The following FAM107B variants were observed in gnomAD, a reference collection of about 807,000 sequenced individuals.
FAM107B encodes the protein protein FAM107B.
Under a neutral mutation model 31.5 loss-of-function variants are expected in FAM107B, and 21 were observed. The observed-to-expected ratio is 0.67, with a 90% CI of 0.47 to 0.96. The LOEUF is 0.96. Among genes scored for constraint, FAM107B ranks in the 40% least tolerant of loss-of-function variants. The pLI is 0.00. For missense variants in FAM107B, 452 were observed against 377.1 expected, an observed-to-expected ratio of 1.20 and a Z score of -1.64; for synonymous variants, 157 against 141.5, an observed-to-expected ratio of 1.11 and a Z score of -0.78.
chr10:14,625,850 A>C (rs1337974972), intron 2 of FAM107B, among the ~76,000 whole-genome samples: 1 of 104,592 alleles, frequency 9.6e-6, no homozygotes, highest in Non-Finnish European at 1.8e-5. Context: ...TCCGACCTCC[A>C]TGCAGCTGCT....
At chr10:14,739,149 A>G (rs1856377876) in intron 1 of FAM107B, among the ~76,000 whole-genome samples, 1 of 152,224 alleles carries the variant, frequency 6.6e-6, no homozygotes, top group African/African-American at 2.4e-5. Context: ...TAGGTCCAGA[A>G]GTAGAACAAC....
intron 1 of FAM107B, among the ~76,000 whole-genome samples, chr10:14,722,007 T>C (rs2131550289): frequency 6.6e-6 from 1 of 152,386 alleles, no homozygotes; most frequent in East Asian, 1.9e-4. Context: ...TAATCCATCT[T>C]GAATTAATTA....
chr10:14,545,460 T>C (rs1161826179), intron 2 of FAM107B, among the ~76,000 whole-genome samples: 1 of 152,130 alleles, frequency 6.6e-6, no homozygotes, highest in Admixed American at 6.6e-5. Flanking sequence ...CTTTGAAGGC[T>C]AAAAAAAGAT....
chr10:14,614,959 C>T (rs551407794), intron 2 of FAM107B, among the ~76,000 whole-genome samples: 9 of 152,236 alleles, frequency 5.9e-5, no homozygotes, highest in Admixed American at 2.0e-4. Flanking sequence ...GTATAGGCAG[C>T]TTTGTCAAGG....
chr10:14,631,227 C>T (rs1337616953), intron 2 of FAM107B, among the ~76,000 whole-genome samples: 1 of 152,164 alleles, frequency 6.6e-6, no homozygotes, highest in Admixed American at 6.5e-5. Flanking sequence ...CCTATCATCC[C>T]TTCAACAGAA....
At chr10:14,634,985 A>C (rs1853459600) in intron 2 of FAM107B, among the ~76,000 whole-genome samples, 1 of 152,112 alleles carries the variant, frequency 6.6e-6, no homozygotes, top group African/African-American at 2.4e-5. Flanking sequence ...GCTACTCGGC[A>C]GGCTGAGGTG....
intron 2 of FAM107B, among the ~76,000 whole-genome samples, chr10:14,620,060 G>GC (rs1170453861): frequency 5.3e-4 from 67 of 126,502 alleles, no homozygotes; most frequent in Non-Finnish European, 8.6e-4. Context: ...TCGCTCTGTC[G>GC]CCAGGCTGGA....
At chr10:14,640,365 G>A (rs1853598698) in intron 2 of FAM107B, among the ~76,000 whole-genome samples, 1 of 152,214 alleles carries the variant, frequency 6.6e-6, no homozygotes, top group Admixed American at 6.5e-5. Context: ...CTCCAGAATG[G>A]TAGAAGGTGA....
chr10:14,759,596 A>G (rs1833001662), intron 1 of FAM107B, among the ~76,000 whole-genome samples: 1 of 152,228 alleles, frequency 6.6e-6, no homozygotes. Context: ...TATTAAGATT[A>G]GCACCTAGAA....
chr10:14,658,094 A>C (rs1854117537), intron 2 of FAM107B, among the ~76,000 whole-genome samples: 1 of 152,146 alleles, frequency 6.6e-6, no homozygotes, highest in Non-Finnish European at 1.5e-5. Flanking sequence ...TTACAGGCGT[A>C]ATTAGCACCT....
intron 2 of FAM107B, among the ~76,000 whole-genome samples, chr10:14,569,171 G>A (rs1433275256): frequency 1.3e-5 from 2 of 152,076 alleles, no homozygotes; most frequent in Non-Finnish European, 2.9e-5. Flanking sequence ...GCCCACCCTC[G>A]AGTCTCCTTA....
rs1856019434 is a variant in FAM107B at position 14,725,820 on chromosome 10, C to CTTT, written c.411+48432_411+48433insAAA. 4.4e-5 allele frequency among the ~76,000 whole-genome samples: 4 copies of CTTT among 89,974 alleles called. No homozygotes were observed. In the South Asian group the frequency reaches 1.0e-3, roughly 23 times the overall value. The allele number at this position is 89,974 out of a possible 152,430, so 59.0% of individuals were successfully genotyped here. A position where few individuals can be genotyped will look rare whatever the true frequency, so the allele number is the denominator to read the frequency against. ...TTCTAGGGAGCAAAAGCAGTCAAAT[C>CTTT]CTTTTTTTTTTTTTTTTTTTTTGGA... On this transcript the variant is annotated intron_variant, in intron 1 of 4. Transcript: ENST00000181796.
chr10:14,559,068 G>A (rs1292122373), intron 2 of FAM107B, among the ~76,000 whole-genome samples: 4 of 145,636 alleles, frequency 2.7e-5, no homozygotes, highest in Non-Finnish European at 6.0e-5. Flanking sequence ...TTTCAACCAC[G>A]GCTCACACAT....
intron 2 of FAM107B, among the ~76,000 whole-genome samples, chr10:14,597,265 T>C (rs571774982): frequency 6.6e-6 from 1 of 152,338 alleles, no homozygotes; most frequent in South Asian, 2.1e-4. Context: ...TGTGATTATT[T>C]ATACTGCAAG....
chr10:14,738,165 T>G (rs1340044390), intron 1 of FAM107B, among the ~76,000 whole-genome samples: 1 of 152,190 alleles, frequency 6.6e-6, no homozygotes, highest in African/African-American at 2.4e-5. Flanking sequence ...GCTAAGTGAC[T>G]TGCCCAACAT....
intron 1 of FAM107B, among the ~76,000 whole-genome samples, chr10:14,682,358 G>A (rs1019229478): frequency 2.0e-5 from 3 of 151,946 alleles, no homozygotes; most frequent in East Asian, 1.9e-4. Context: ...GTGAAACCTC[G>A]CCTCTACTAA....
chr10:14,699,467 G>T (rs1367797856), intron 1 of FAM107B, among the ~76,000 whole-genome samples: 1 of 152,182 alleles, frequency 6.6e-6, no homozygotes, highest in East Asian at 1.9e-4. Flanking sequence ...CGGAGAACCA[G>T]GAACACTGAT....
intron 2 of FAM107B, among the ~76,000 whole-genome samples, chr10:14,545,728 T>C (rs184791288): frequency 6.1e-4 from 93 of 152,374 alleles, no homozygotes; most frequent in Non-Finnish European, 1.2e-3. Flanking sequence ...AGAATCCTTA[T>C]TTATATTATG....
intron 1 of FAM107B, among the ~76,000 whole-genome samples, chr10:14,732,666 A>T (rs537795494): frequency 3.0e-4 from 45 of 151,882 alleles, no homozygotes; most frequent in Middle Eastern, 3.4e-3. Context: ...GCTGATGGGA[A>T]CATAGACTGT....
Sources: allele counts gnomAD v4.1 joint callset (sites outside exome capture counted in the v4.1 genomes callset), GRCh38; gene constraint gnomAD v4.1.1; transcripts MANE v1.5; gene names NCBI Gene and HGNC (gene_info 2026-07-23, HGNC 2026-07-21).